NIBAN1: variants seen among roughly 807,000 people sequenced by gnomAD.
NIBAN1 encodes protein Niban 1.
Under a neutral mutation model 75.1 loss-of-function variants are expected in NIBAN1, and 81 were observed. That is an observed-to-expected ratio of 1.08 (90% CI 0.90 to 1.30). NIBAN1 has a LOEUF of 1.30. Among genes scored for constraint, NIBAN1 ranks in the 50% most tolerant of loss-of-function variants. The pLI, the probability that NIBAN1 is intolerant of heterozygous loss-of-function variation, is 0.00. For missense variants in NIBAN1, 1,133 were observed against 1,128.1 expected (o/e 1.00, Z -0.06); for synonymous variants, 436 against 424.8 (o/e 1.03, Z -0.32).
intron 6 of NIBAN1, 31 bp from the exon 7 acceptor site, chr1:184,823,773 C>A: frequency 1.3e-6 from 2 of 1,596,980 alleles, no homozygotes; most frequent in South Asian, 2.2e-5. Flanking sequence ...CAGAGTCGGT[C>A]AGTCGGTGAT....
At chr1:184,852,464 T>C (rs1356342870) in intron 5 of NIBAN1, among the ~76,000 whole-genome samples, 1 of 152,192 alleles carries the variant, frequency 6.6e-6, no homozygotes, top group African/African-American at 2.4e-5. Flanking sequence ...TATTTATCAC[T>C]GTATCCTCAG....
rs974649085 is a variant in NIBAN1, at chr1:184,896,131, T to G, written c.187-1925A>C. On this transcript the variant is annotated intron_variant, in intron 2 of 13. Coordinates refer to ENST00000367511, the MANE Select transcript of NIBAN1 (RefSeq NM_052966.4). Reference sequence around the variant, plus strand: ...TTCTTTTTTAGTTATTTGTGATATCTCCATACTATTTTCCGTAGGGGTTGA... The same window carrying G: ...TTCTTTTTTAGTTATTTGTGATATCGCCATACTATTTTCCGTAGGGGTTGA... Among the ~76,000 whole-genome samples the G allele has an allele frequency of 5.1e-4, 77 of 152,186 alleles. 1 individual carries two copies. Among genetic ancestry groups the G allele is most frequent in the African/African-American group, 2.2e-4 (9 of 41,460 alleles).
chr1:184,881,643 C>T (rs1045647579), intron 5 of NIBAN1, among the ~76,000 whole-genome samples: 1 of 152,158 alleles, frequency 6.6e-6, no homozygotes, highest in Non-Finnish European at 1.5e-5. Context: ...CAGAGGGCTG[C>T]TGGTTGCCCA....
At chr1:184,920,864 T>C (rs1403611910) in intron 1 of NIBAN1, among the ~76,000 whole-genome samples, 2 of 152,192 alleles carry the variant, frequency 1.3e-5, no homozygotes, top group Non-Finnish European at 2.9e-5. Flanking sequence ...GCAGGCACGG[T>C]GGCTCACGCC....
At chr1:184,916,680 T>C (rs984693693) in intron 1 of NIBAN1, among the ~76,000 whole-genome samples, 2 of 152,094 alleles carry the variant, frequency 1.3e-5, no homozygotes, top group Non-Finnish European at 2.9e-5. Context: ...AATAAAGATA[T>C]TTTATATTTA....
chr1:184,878,174 T>C (rs901435612), intron 5 of NIBAN1, among the ~76,000 whole-genome samples: 1 of 152,196 alleles, frequency 6.6e-6, no homozygotes, highest in Admixed American at 6.5e-5. Flanking sequence ...CAGGACTATA[T>C]AACCCATATA....
At chr1:184,940,526 T>C (rs1658065176) in intron 1 of NIBAN1, among the ~76,000 whole-genome samples, 1 of 152,212 alleles carries the variant, frequency 6.6e-6, no homozygotes, top group African/African-American at 2.4e-5. Flanking sequence ...TGGTTTTAAA[T>C]ACTTTTGTGA....
chr1:184,855,465 T>A (rs1655652331), intron 5 of NIBAN1, among the ~76,000 whole-genome samples: 1 of 152,116 alleles, frequency 6.6e-6, no homozygotes, highest in South Asian at 2.1e-4. Context: ...ATTTTTTTTT[T>A]AATCTCTCTG....
intron 6 of NIBAN1, among the ~76,000 whole-genome samples, chr1:184,827,106 T>C (rs1173593093): frequency 6.6e-6 from 1 of 152,186 alleles, no homozygotes; most frequent in Non-Finnish European, 1.5e-5. Context: ...GCCTTTCACC[T>C]TCCTCCATGA....
intron 2 of NIBAN1, among the ~76,000 whole-genome samples, chr1:184,897,646 C>A (rs1434894740): frequency 6.6e-6 from 1 of 152,152 alleles, no homozygotes; most frequent in African/African-American, 2.4e-5. Flanking sequence ...ATGGCCTATT[C>A]AACATTTCCA....
chr1:184,863,092 C>T (rs986670383), intron 5 of NIBAN1, among the ~76,000 whole-genome samples: 21 of 152,140 alleles, frequency 1.4e-4, no homozygotes, highest in Non-Finnish European at 2.6e-4. Flanking sequence ...GAGAACCTCA[C>T]GTGTAGCAGT....
intron 5 of NIBAN1, among the ~76,000 whole-genome samples, chr1:184,836,599 A>G (rs1167551708): frequency 6.6e-6 from 1 of 152,222 alleles, no homozygotes; most frequent in African/African-American, 2.4e-5. Context: ...CAGAAGTCAA[A>G]GAAGGAACCA....
intron 1 of NIBAN1, among the ~76,000 whole-genome samples, chr1:184,957,809 C>A (rs879786374): frequency 6.6e-6 from 1 of 152,152 alleles, no homozygotes; most frequent in Non-Finnish European, 1.5e-5. Flanking sequence ...AGGAAATTAT[C>A]GTGCCTGTTT....
intron 1 of NIBAN1, among the ~76,000 whole-genome samples, chr1:184,905,438 A>G (rs1657068092): frequency 1.4e-4 from 21 of 152,160 alleles, no homozygotes; most frequent in Admixed American, 1.4e-3. Flanking sequence ...AAGAAAAAAA[A>G]AATCTTCAAT....
chr1:184,845,562 G>T (rs555632979), intron 5 of NIBAN1, among the ~76,000 whole-genome samples: 4 of 152,294 alleles, frequency 2.6e-5, no homozygotes, highest in East Asian at 3.9e-4. Flanking sequence ...TTCAAGACTA[G>T]CTTGGGCAAC....
intron 5 of NIBAN1, among the ~76,000 whole-genome samples, chr1:184,844,977 A>G (rs1168604944): frequency 6.6e-6 from 1 of 152,270 alleles, no homozygotes; most frequent in Admixed American, 6.5e-5. Flanking sequence ...GTAGAACTTC[A>G]GTAGTCATGT....
chr1:184,938,943 G>A (rs557326920), intron 1 of NIBAN1, among the ~76,000 whole-genome samples: 59 of 152,296 alleles, frequency 3.9e-4, no homozygotes, highest in Admixed American at 3.9e-3. Context: ...CAGCTAAATC[G>A]AGTTACTTAG....
At chr1:184,841,264 A>G (rs114700860) in intron 5 of NIBAN1, among the ~76,000 whole-genome samples, 5 of 152,154 alleles carry the variant, frequency 3.3e-5, no homozygotes, top group Non-Finnish European at 5.9e-5. Context: ...AAGTTTGAAG[A>G]AAAAAAACCC....
At chr1:184,970,919 G>A (rs563175308) in intron 1 of NIBAN1, among the ~76,000 whole-genome samples, 5 of 152,252 alleles carry the variant, frequency 3.3e-5, no homozygotes, top group African/African-American at 1.2e-4. Context: ...AAAACACAGT[G>A]TGGGGGGTTT....
Sources: allele counts gnomAD v4.1 joint callset (sites outside exome capture counted in the v4.1 genomes callset), GRCh38; gene constraint gnomAD v4.1.1; transcripts MANE v1.5; gene names NCBI Gene and HGNC (gene_info 2026-07-23, HGNC 2026-07-21).